The following RPS6KC1 variants were observed in gnomAD, a reference collection of about 807,000 sequenced individuals.
The protein encoded by RPS6KC1 is inactive ribosomal protein S6 kinase delta-1.
Under a neutral mutation model 103.8 loss-of-function variants are expected in RPS6KC1, and 54 were observed. The observed-to-expected ratio is 0.52, with a 90% CI of 0.42 to 0.65. The LOEUF is 0.65. Ranked by LOEUF, RPS6KC1 falls within the 30% of genes least tolerant of loss-of-function variation. The probability of loss-of-function intolerance (pLI) is 0.00; values close to 1 mark genes in which losing one functional copy is unlikely to be tolerated. For synonymous variants in RPS6KC1, 439 were observed against 438.7 expected (o/e 1.00, Z -0.01); for missense variants, 1,151 against 1,253.8 (o/e 0.92, Z 1.24).
At chr1:213,437,603 A>G in the RPS6KC1 span, among the ~76,000 whole-genome samples, 33 of 152,012 alleles carry the variant, frequency 2.2e-4, 1 homozygote, top group African/African-American at 7.7e-4. Flanking sequence ...TGGGTCTAGA[A>G]TTTTCTTTGT....
At chr1:213,523,983 A>C in the RPS6KC1 span, among the ~76,000 whole-genome samples, 3 of 152,194 alleles carry the variant, frequency 2.0e-5, no homozygotes, top group Admixed American at 2.0e-4. Flanking sequence ...GTACAAAGTC[A>C]CGGCGGGAGG....
chr1:213,723,897 T>C, the RPS6KC1 span, among the ~76,000 whole-genome samples: 1 of 135,408 alleles, frequency 7.4e-6, no homozygotes, highest in Non-Finnish European at 1.5e-5. Context: ...TGTCAAATAA[T>C]AATAAAGCCT....
chr1:213,134,161 A>T (rs1027006182), intron 6 of RPS6KC1, among the ~76,000 whole-genome samples: 2 of 152,154 alleles, frequency 1.3e-5, no homozygotes, highest in Non-Finnish European at 2.9e-5. Flanking sequence ...TAGCATGCTA[A>T]TATGACCCAT....
chr1:213,860,406 A>C, the RPS6KC1 span, among the ~76,000 whole-genome samples: 1 of 75,078 alleles, frequency 1.3e-5, no homozygotes, highest in African/African-American at 3.6e-5. Context: ...TAAGAGAAAC[A>C]AAAAAAAAAT....
At chr1:213,181,052 G>T (rs1242923236) in intron 8 of RPS6KC1, among the ~76,000 whole-genome samples, 1 of 152,162 alleles carries the variant, frequency 6.6e-6, no homozygotes, top group Non-Finnish European at 1.5e-5. Context: ...GGGTACATGA[G>T]ACTCTTTGTA....
the RPS6KC1 span, among the ~76,000 whole-genome samples, chr1:213,591,011 C>T: frequency 1.3e-5 from 2 of 152,166 alleles, no homozygotes; most frequent in African/African-American, 4.8e-5. Context: ...TTCTCCTCTC[C>T]CCTGCATCCC....
the RPS6KC1 span, among the ~76,000 whole-genome samples, chr1:213,453,879 G>C: frequency 6.6e-6 from 1 of 152,134 alleles, no homozygotes; most frequent in Non-Finnish European, 1.5e-5. Context: ...CTTATACATG[G>C]ATATTTTTCA....
chr1:213,196,531 G>A (rs1475491943), intron 8 of RPS6KC1, among the ~76,000 whole-genome samples: 1 of 151,956 alleles, frequency 6.6e-6, no homozygotes, highest in Non-Finnish European at 1.5e-5. Flanking sequence ...TTTGCTTTTG[G>A]GTACTTGGTC....
At chr1:213,084,709 T>C (rs2080219980) in intron 3 of RPS6KC1, among the ~76,000 whole-genome samples, 1 of 152,246 alleles carries the variant, frequency 6.6e-6, no homozygotes, top group Non-Finnish European at 1.5e-5. Flanking sequence ...AATGTTAATA[T>C]AGCCGTTTTT....
the RPS6KC1 span, among the ~76,000 whole-genome samples, chr1:213,779,895 G>A: frequency 2.0e-5 from 3 of 152,148 alleles, no homozygotes; most frequent in African/African-American, 7.2e-5. Context: ...ATAGTAAGAA[G>A]GAAGAAGATT....
At chr1:213,687,743 T>C in the RPS6KC1 span, among the ~76,000 whole-genome samples, 1 of 151,092 alleles carries the variant, frequency 6.6e-6, no homozygotes, top group African/African-American at 2.4e-5. Flanking sequence ...AGAAAGTCCC[T>C]AATACAACCG....
chr1:213,232,174 C>A lies in RPS6KC1; in HGVS notation c.1144C>A (p.Arg382Ser). Residue 382 changes from arginine to serine, a missense_variant, in exon 10 of 15, where the codon CGC (arginine) becomes AGC (serine). Transcript: ENST00000366960. The part of the protein sequence containing the change: ...YSRNRKTIIP[R>S]CVPNMVCLHK... ...CAGGAACAGAAAGACCATCATCCCC[C>A]GCTGTGTGCCCAACATGGTGTGTCT... 1 of 1,614,000 alleles carries A rather than the reference C, an allele frequency of 6.2e-7. No homozygotes were observed. The highest frequency in any genetic ancestry group is 1.1e-5 in the South Asian group (1 of 91,086).
At chr1:213,437,016 C>T in the RPS6KC1 span, among the ~76,000 whole-genome samples, 1 of 151,986 alleles carries the variant, frequency 6.6e-6, no homozygotes, top group Admixed American at 6.5e-5. Context: ...ATTACATTGA[C>T]TAGGACCTCT....
intron 8 of RPS6KC1, among the ~76,000 whole-genome samples, chr1:213,189,469 A>G (rs1435204847): frequency 3.5e-5 from 5 of 142,908 alleles, no homozygotes; most frequent in Non-Finnish European, 7.7e-5. Context: ...AAAAAAAAAA[A>G]GTGTACGTTG....
chr1:213,784,115 C>T, the RPS6KC1 span, among the ~76,000 whole-genome samples: 1 of 152,216 alleles, frequency 6.6e-6, no homozygotes, highest in Non-Finnish European at 1.5e-5. Context: ...AGCTCACTTT[C>T]ACTGACTTTC....
At chr1:213,444,459 G>A in the RPS6KC1 span, among the ~76,000 whole-genome samples, 13 of 152,172 alleles carry the variant, frequency 8.5e-5, no homozygotes, top group Non-Finnish European at 1.3e-4. Context: ...TCCTCCATGT[G>A]AGCTGCATTT....
the RPS6KC1 span, among the ~76,000 whole-genome samples, chr1:213,763,008 G>A: frequency 2.2e-3 from 341 of 151,972 alleles, no homozygotes; most frequent in Non-Finnish European, 3.4e-3. Flanking sequence ...ACAGGCACCC[G>A]CCACCATGCC....
chr1:213,747,134 A>C, the RPS6KC1 span, among the ~76,000 whole-genome samples: 1 of 152,136 alleles, frequency 6.6e-6, no homozygotes, highest in African/African-American at 2.4e-5. Flanking sequence ...ACATTCCAAC[A>C]TTAAGAGTCT....
the RPS6KC1 span, among the ~76,000 whole-genome samples, chr1:213,609,344 C>G: frequency 6.6e-6 from 1 of 152,206 alleles, no homozygotes; most frequent in Non-Finnish European, 1.5e-5. Flanking sequence ...GACCTCTGGC[C>G]TTGGCCACCT....
Sources: allele counts gnomAD v4.1 joint callset (sites outside exome capture counted in the v4.1 genomes callset), GRCh38; gene constraint gnomAD v4.1.1; transcripts MANE v1.5; gene names NCBI Gene and HGNC (gene_info 2026-07-23, HGNC 2026-07-21).